The following ZNF330 variants were observed in gnomAD, a reference collection of about 807,000 sequenced individuals.
ZNF330 encodes nucleolar atypical zinc finger.
In ZNF330, 31 loss-of-function variants were observed where a neutral mutation model predicts 45.5. The ratio of observed to expected loss-of-function variants is 0.68; its 90% CI spans 0.51 to 0.92. The LOEUF (loss-of-function observed/expected upper bound fraction) is 0.92, where lower values mean the gene tolerates loss of function less well. Ranked by LOEUF, ZNF330 falls within the 40% of genes least tolerant of loss-of-function variation. The probability of loss-of-function intolerance (pLI) is 0.00; values close to 1 mark genes in which losing one functional copy is unlikely to be tolerated. For synonymous variants in ZNF330, 138 were observed against 123.2 expected (o/e 1.12, Z -0.79); for missense variants, 356 against 387.4 (o/e 0.92, Z 0.68).
At chr4:141,227,127 T>C (rs563344061) in intron 5 of ZNF330, among the ~76,000 whole-genome samples, 4 of 151,398 alleles carry the variant, frequency 2.6e-5, no homozygotes, top group Admixed American at 2.0e-4. Context: ...TTTTTTTTTT[T>C]AAATTTTATT....
intron 4 of ZNF330, among the ~76,000 whole-genome samples, chr4:141,225,787 CAG>C (rs999420914): frequency 7.2e-5 from 11 of 151,990 alleles, no homozygotes; most frequent in East Asian, 1.9e-4. Context: ...AGTGAGGAAA[CAG>C]AGTTTGTGGA....
At chr4:141,222,551 C>T in intron 2 of ZNF330, 60 bp downstream of exon 2, 1 of 1,524,854 alleles carries the variant, frequency 6.6e-7, no homozygotes, top group Non-Finnish European at 8.9e-7. Context: ...TTTTATCTGA[C>T]GTATACCTGA....
At chr4:141,220,727 C>T (rs1728649917), upstream of ZNF330, among the ~76,000 whole-genome samples, 1 of 152,232 alleles carries the variant, frequency 6.6e-6, no homozygotes, top group Non-Finnish European at 1.5e-5. Context: ...AGGGGGCCTT[C>T]CCCTGCTTTC....
In ZNF330 at chr4:141,229,696, T is replaced by G. The variant is rs1348736427; in HGVS notation, c.417T>G (p.His139Gln). The change falls in exon 6 of 10, where the codon CAT (histidine) becomes CAG (glutamine). Residue 139 changes from histidine to glutamine, a missense_variant and splice_region_variant. Coordinates refer to ENST00000262990, the MANE Select transcript of ZNF330 (RefSeq NM_014487.6). Reference protein sequence around the residue: ...CVECERGVWDHGGRIFSCSFC... With the variant: ...CVECERGVWDQGGRIFSCSFC... ...AATGTGAACGAGGCGTGTGGGACCA[T>G]GGTGAGTCATTAGACACAAGTAATG... 1 of 1,612,864 alleles carries G rather than the reference T, an allele frequency of 6.2e-7. No individual in the cohort carries two copies. The highest frequency in any genetic ancestry group is 8.5e-7 in the Non-Finnish European group (1 of 1,179,180).
rs1339482887 is a variant in ZNF330 at position 141,232,547 on chromosome 4, C to T, written c.593C>T (p.Thr198Ile). Residue 198 changes from threonine to isoleucine, a missense_variant, in exon 9 of 10, where the codon ACA (threonine) becomes ATA (isoleucine). Thr to Ile is a moderately conservative substitution (Grantham distance 89, BLOSUM62 -1). Coordinates refer to ENST00000262990, the MANE Select transcript of ZNF330 (RefSeq NM_014487.6). Reference sequence around the variant, plus strand: ...CAGGCTTGTTTCTGTGATGATCATACAAGGAGCAAAGTGTTTAAGCAAGAA... The same window carrying T: ...CAGGCTTGTTTCTGTGATGATCATATAAGGAGCAAAGTGTTTAAGCAAGAA... The part of the protein sequence containing the change: ...RCKACFCDDH[T>I]RSKVFKQEKG... 6 of 1,587,350 alleles carry T rather than the reference C, an allele frequency of 3.8e-6. No homozygotes were observed. Among genetic ancestry groups the T allele is most frequent in the African/African-American group, 1.4e-5 (1 of 73,504 alleles).
chr4:141,229,458 A>T (rs942237200), intron 5 of ZNF330, 113 bp from the exon 6 acceptor site: 16 of 1,382,250 alleles, frequency 1.2e-5, no homozygotes, highest in Admixed American at 1.1e-4. Context: ...GCCTACTATC[A>T]TTGAGGGTTG....
chr4:141,232,080 C>G (rs1728974308), intron 8 of ZNF330, among the ~76,000 whole-genome samples: 1 of 152,080 alleles, frequency 6.6e-6, no homozygotes, highest in Non-Finnish European at 1.5e-5. Context: ...GCTATTAAGA[C>G]TTCGTGTCTC....
chr4:141,228,440 T>TA (rs1279183936), intron 5 of ZNF330, among the ~76,000 whole-genome samples: 1 of 152,066 alleles, frequency 6.6e-6, no homozygotes, highest in Non-Finnish European at 1.5e-5. Flanking sequence ...TCTGGGTGTT[T>TA]ATTCCTTCAT....
chr4:141,224,702 T>C (rs964565730), intron 4 of ZNF330, 25 bp downstream of exon 4: 14 of 1,596,282 alleles, frequency 8.8e-6, no homozygotes, highest in Non-Finnish European at 1.2e-5. Flanking sequence ...ATTAAGGACA[T>C]ATGCTTTTTA....
At position 141,232,559 on chromosome 4, in the gene ZNF330, T is replaced by C; in HGVS notation, c.605T>C (p.Val202Ala). 1 of 1,598,640 alleles carries C rather than the reference T, an allele frequency of 6.3e-7. No individual in the cohort carries two copies. Among genetic ancestry groups the C allele is most frequent in the Non-Finnish European group, 8.5e-7 (1 of 1,172,986 alleles). Residue 202 changes from valine (V) to alanine (A), a missense_variant, in exon 9 of 10, where the codon GTG becomes GCG. Val to Ala is a moderately conservative substitution (Grantham distance 64, BLOSUM62 0). Transcript: ENST00000262990. ...TGTGATGATCATACAAGGAGCAAAG[T>C]GTTTAAGCAAGAAAAAGGAAAACAG... ...CFCDDHTRSK[V>A]FKQEKGKQPP... is the part of the protein sequence containing the mutation.
In ZNF330 at chr4:141,231,498, G is replaced by GT. The variant is rs760546376; in HGVS notation, c.570+20dup. 7.6e-6 allele frequency: 12 copies of GT among 1,576,038 alleles called. No homozygotes were observed. In the South Asian group the frequency reaches 8.3e-5, roughly 11 times the overall value. On this transcript the variant is annotated intron_variant, in intron 8 of 9. Coordinates refer to ENST00000262990, the MANE Select transcript of ZNF330 (RefSeq NM_014487.6). ...TCTCCGTTGTAAGGTATACCAATGC[G>GT]TTTTTTTCTTTTTAGATTTTGTTTT...
intron 5 of ZNF330, among the ~76,000 whole-genome samples, chr4:141,227,916 T>C (rs1728850965): frequency 6.6e-6 from 1 of 152,174 alleles, no homozygotes; most frequent in Admixed American, 6.5e-5. Context: ...TGTATTTTGC[T>C]CTTTTTCCTG....
rs113845697 is a variant in ZNF330 at position 141,227,116 on chromosome 4, C to CT, written c.291+281dup. Among the ~76,000 whole-genome samples, 431 of 142,688 alleles carry CT rather than the reference C, an allele frequency of 3.0e-3. 3 individuals are homozygous for CT. The highest frequency in any genetic ancestry group is 0.01 in the African/African-American group (404 of 38,872). The allele number at this position is 142,688 out of a possible 152,430, so 93.6% of individuals were successfully genotyped here. The stretch of plus-strand genomic sequence containing the variant: ...ACAGAATTTCATTTCTCAGTGGTAC[C>CT]TTTTTTTTTTTAAATTTTATTATTA... On this transcript the variant is annotated intron_variant, in intron 5 of 9. Transcript: ENST00000262990.
chr4:141,224,639 G>A lies in ZNF330; in HGVS notation c.173G>A (p.Cys58Tyr). The A allele has an allele frequency of 6.2e-7, 1 of 1,613,510 alleles. No individual in the cohort carries two copies. The highest frequency in any genetic ancestry group is 1.1e-5 in the South Asian group (1 of 91,048). ...AAGAATAGAGCATTTTGCTACTTTT[G>A]TAATTCTGTACAGAAGTTACCAATT... is the stretch of plus-strand genomic sequence containing the variant. ...RQKNRAFCYF[C>Y]NSVQKLPICA... is the part of the protein sequence containing the mutation. Residue 58 changes from cysteine (C) to tyrosine (Y), a missense_variant, in exon 4 of 10, where the codon TGT becomes TAT. Coordinates refer to ENST00000262990, the MANE Select transcript of ZNF330 (RefSeq NM_014487.6).
At chr4:141,222,540 A>C (rs751589482) in intron 2 of ZNF330, 49 bp downstream of exon 2, 7 of 1,584,774 alleles carry the variant, frequency 4.4e-6, no homozygotes, top group Non-Finnish European at 6.0e-6. Context: ...ACTATATACT[A>C]TTTTATCTGA....
At chr4:141,223,707 A>AAT (rs1484254891) in intron 2 of ZNF330, 4 of 443,968 alleles carry the variant, frequency 9.0e-6, no homozygotes, top group East Asian at 1.4e-4. Context: ...GGCATGCCTA[A>AAT]ATATATATAA....
In ZNF330 at chr4:141,234,288, A is replaced by G. The variant is rs1729030679; in HGVS notation, c.*299A>G. ...TTTGCCAATTAGATACATATATACA[A>G]GATAAAGGAATAGGATGGTAATATA... On this transcript the variant is annotated 3_prime_UTR_variant, in exon 10 of 10. Transcript: ENST00000262990. 4.2e-6 allele frequency: 1 copy of G among 239,294 alleles called. No individual in the cohort carries two copies. The highest frequency in any genetic ancestry group is 7.9e-6 in the Non-Finnish European group (1 of 126,818). 14.8% of individuals were successfully genotyped at this position (239,294 alleles called of 1,614,324 possible).
chr4:141,228,645 C>T (rs1303795621), intron 5 of ZNF330, among the ~76,000 whole-genome samples: 1 of 152,038 alleles, frequency 6.6e-6, no homozygotes, highest in African/African-American at 2.4e-5. Context: ...CTGGCTGATC[C>T]AAGAGATATA....
In ZNF330 at chr4:141,223,466, A is replaced by T. The variant is rs192267143; in HGVS notation, c.120+975A>T. Reference sequence around the variant, plus strand: ...TAGTTCCATTTTTTCATATTGTCTTACTCCATTTGTTGGGTTTCATAGTTA... The same window carrying T: ...TAGTTCCATTTTTTCATATTGTCTTTCTCCATTTGTTGGGTTTCATAGTTA... On this transcript the variant is annotated intron_variant, in intron 2 of 9. Transcript: ENST00000262990. Among the ~76,000 whole-genome samples, 4 of 152,084 alleles carry T rather than the reference A, an allele frequency of 2.6e-5. No individual in the cohort carries two copies. In the East Asian group the frequency reaches 7.7e-4, roughly 29 times the overall value.
Sources: allele counts gnomAD v4.1 joint callset (sites outside exome capture counted in the v4.1 genomes callset), GRCh38; gene constraint gnomAD v4.1.1; transcripts MANE v1.5; gene names NCBI Gene and HGNC (gene_info 2026-07-23, HGNC 2026-07-21).